FARP2: variants seen among roughly 807,000 people sequenced by gnomAD.
The protein encoded by FARP2 is FERM, ARH/RhoGEF and pleckstrin domain protein 2, also known as FERM, ARHGEF and pleckstrin domain-containing protein 2.
A neutral mutation model predicts 130.5 loss-of-function variants in FARP2; 111 were observed. That is an observed-to-expected ratio of 0.85 (90% CI 0.73 to 1.00). FARP2 has a LOEUF of 1.00. Among genes scored for constraint, FARP2 ranks in the 50% least tolerant of loss-of-function variants. FARP2 has a pLI of 0.00. For missense variants in FARP2, 1,385 were observed against 1,346.3 expected, an observed-to-expected ratio of 1.03 and a Z score of -0.45; for synonymous variants, 504 against 516.9, an observed-to-expected ratio of 0.98 and a Z score of 0.34.
rs772681715 is a variant in FARP2, at chr2:241,411,145, G to A, written c.508+15G>A. The A allele has an allele frequency of 3.2e-5, 50 of 1,572,752 alleles. No homozygotes were observed. Among genetic ancestry groups the A allele is most frequent in the East Asian group, 2.2e-4 (10 of 44,522 alleles). ...TCTCCTGCAGTGTGAGTATCTCCCCGCCAGCGGGGAGCATTCACTGACCAT... is the reference window on the plus strand; with the variant it reads ...TCTCCTGCAGTGTGAGTATCTCCCCACCAGCGGGGAGCATTCACTGACCAT... On this transcript the variant is annotated intron_variant, in intron 6 of 26. Coordinates refer to ENST00000264042, the MANE Select transcript of FARP2 (RefSeq NM_014808.4).
intron 12 of FARP2, 131 bp downstream of exon 12, chr2:241,436,669 A>T: frequency 1.3e-6 from 1 of 799,514 alleles, no homozygotes; most frequent in East Asian, 2.7e-5. Context: ...TAATCCTGGG[A>T]CTCTGTTTTC....
intron 13 of FARP2, chr2:241,446,139 T>C (rs2063509283): frequency 6.6e-6 from 1 of 152,376 alleles, no homozygotes; most frequent in East Asian, 1.9e-4. Context: ...AGCACAGTTA[T>C]ATGTTAATAC....
At chr2:241,383,982 G>A (rs1559718641) in intron 2 of FARP2, among the ~76,000 whole-genome samples, 1 of 152,018 alleles carries the variant, frequency 6.6e-6, no homozygotes, top group Non-Finnish European at 1.5e-5. Context: ...GGCGGCCATT[G>A]CTGTGACCTT....
intron 13 of FARP2, among the ~76,000 whole-genome samples, chr2:241,450,581 G>C (rs1365458500): frequency 6.6e-6 from 1 of 152,008 alleles, no homozygotes; most frequent in East Asian, 1.9e-4. Context: ...CAGGAGAATT[G>C]CTTGAACCCA....
chr2:241,441,529 G>C lies in FARP2; in HGVS notation c.1384G>C (p.Gly462Arg). ...CGACACACCATCGGCCCAGCCCCTC[G>C]GGCCCCCCGCACTCCAGCCTGGTCC... ...GPDTPSAQPLGPPALQPGPGL... is the reference protein window; with the variant it reads ...GPDTPSAQPLRPPALQPGPGL... Residue 462 changes from glycine (G) to arginine (R), a missense_variant, in exon 13 of 27, where the codon GGG (glycine) becomes CGG (arginine). Transcript: ENST00000264042. The C allele has an allele frequency of 1.2e-6, 2 of 1,614,030 alleles. No homozygotes were observed. The highest frequency in any genetic ancestry group is 1.7e-6 in the Non-Finnish European group (2 of 1,180,016).
intron 12 of FARP2, among the ~76,000 whole-genome samples, chr2:241,437,186 G>A (rs1421951963): frequency 1.3e-5 from 2 of 152,222 alleles, no homozygotes; most frequent in Non-Finnish European, 2.9e-5. Context: ...AATTCTTGCT[G>A]TTATGTTACA....
intron 19 of FARP2, among the ~76,000 whole-genome samples, 166 bp downstream of exon 19, chr2:241,476,153 G>A (rs561441348): frequency 2.0e-5 from 3 of 148,552 alleles, no homozygotes; most frequent in East Asian, 4.0e-4. Flanking sequence ...TGGGAGGATC[G>A]CTTGAGCCCA....
At chr2:241,489,238 C>G (rs2064835309) in intron 21 of FARP2, 1 of 152,258 alleles carries the variant, frequency 6.6e-6, no homozygotes, top group Non-Finnish European at 1.5e-5. Context: ...GGACAGAGAA[C>G]TGGCCCTCGT....
At chr2:241,468,033 C>T (rs1184364044) in intron 17 of FARP2, 107 bp from the exon 18 acceptor site, 10 of 804,808 alleles carry the variant, frequency 1.2e-5, no homozygotes, top group Non-Finnish European at 2.0e-5. Context: ...GGTCCATTTG[C>T]CCTGTGGGGA....
In FARP2 at chr2:241,407,623, G is replaced by A; in HGVS notation, c.410+8G>A. The A allele has an allele frequency of 6.2e-7, 1 of 1,605,188 alleles. No individual in the cohort carries two copies. On this transcript the variant is annotated splice_region_variant and intron_variant, in intron 5 of 26. Transcript: ENST00000264042. ...ACAAGAAGAATATACAAGGTAAAGAGCTCACAGAGCTGAAGCTGTTGTCAG... is the reference window on the plus strand; with the variant it reads ...ACAAGAAGAATATACAAGGTAAAGAACTCACAGAGCTGAAGCTGTTGTCAG...
rs1194404081 is a variant in FARP2 at position 241,466,697 on chromosome 2, C to A, written c.1894-1443C>A. On this transcript the variant is annotated intron_variant, in intron 17 of 26. Coordinates refer to ENST00000264042, the MANE Select transcript of FARP2 (RefSeq NM_014808.4). ...TCACTCCCCTTCCAACCACCCCCCC[C>A]CCCACCACCACCACCCGTACCCTCC... is the stretch of plus-strand genomic sequence containing the variant. 3.7e-5 allele frequency: 25 copies of A among 676,634 alleles called. 1 individual carries two copies. Among genetic ancestry groups the A allele is most frequent in the South Asian group, 2.7e-4 (4 of 14,702 alleles). The allele number at this position is 676,634 out of a possible 1,614,324, so 41.9% of individuals were successfully genotyped here. A position where few individuals can be genotyped will look rare whatever the true frequency, so the allele number is the denominator to read the frequency against.
At position 241,492,997 on chromosome 2, in the gene FARP2, CTT is replaced by C; in HGVS notation, c.2858_2859del (p.Phe953TyrfsTer14). On this transcript the variant is annotated frameshift_variant, in exon 25 of 27. Transcript: ENST00000264042. LOFTEE classifies it high-confidence loss of function. ...ATGGCTGGCAGAAGCTCTGGGTCGT[CTT>C]TACCAACTTCTGTTTGTTCTTCTAC... Reference protein sequence around the residue: ...SHGWQKLWVVFTNFCLFFYKT... With the variant: ...SHGWQKLWVVXTNFCLFFYKT... The C allele has an allele frequency of 6.2e-7, 1 of 1,611,080 alleles. No homozygotes were observed. Among genetic ancestry groups the C allele is most frequent in the Middle Eastern group, 1.7e-4 (1 of 6,056 alleles).
At chr2:241,490,561 A>G (rs1023877133) in intron 22 of FARP2, among the ~76,000 whole-genome samples, 22 of 152,180 alleles carry the variant, frequency 1.4e-4, no homozygotes, top group African/African-American at 5.3e-4. Context: ...TAAGATCAAC[A>G]GAAGGATGAC....
intron 2 of FARP2, among the ~76,000 whole-genome samples, chr2:241,396,759 T>C (rs2062040260): frequency 6.6e-6 from 1 of 152,156 alleles, no homozygotes; most frequent in African/African-American, 2.4e-5. Flanking sequence ...GTTCAACCAT[T>C]GTGGAAGTCA....
At chr2:241,464,192 A>G (rs1440126105) in intron 17 of FARP2, among the ~76,000 whole-genome samples, 3 of 151,078 alleles carry the variant, frequency 2.0e-5, no homozygotes, top group Admixed American at 2.0e-4. Flanking sequence ...TCCTCAGAGC[A>G]GGGTCCCCTC....
chr2:241,461,006 T>C (rs1029460236), intron 14 of FARP2, among the ~76,000 whole-genome samples: 1 of 152,188 alleles, frequency 6.6e-6, no homozygotes, highest in African/African-American at 2.4e-5. Flanking sequence ...GCCTCTGTTG[T>C]CCTCTCATCC....
chr2:241,357,970 G>T (rs1409372589), intron 1 of FARP2, among the ~76,000 whole-genome samples: 2 of 152,302 alleles, frequency 1.3e-5, no homozygotes, highest in South Asian at 4.1e-4. Flanking sequence ...CAGGCAGATT[G>T]CATGAGCTCA....
At chr2:241,409,562 A>G (rs2062460763) in intron 5 of FARP2, among the ~76,000 whole-genome samples, 1 of 152,172 alleles carries the variant, frequency 6.6e-6, no homozygotes, top group South Asian at 2.1e-4. Flanking sequence ...AAAAATAAGT[A>G]AACAAAGATA....
At chr2:241,446,273 T>C (rs1205514743) in intron 13 of FARP2, 1 of 152,202 alleles carries the variant, frequency 6.6e-6, no homozygotes, top group Non-Finnish European at 1.5e-5. Context: ...ATTAGGATTC[T>C]CTGCTCCACT....
Sources: allele counts gnomAD v4.1 joint callset (sites outside exome capture counted in the v4.1 genomes callset), GRCh38; gene constraint gnomAD v4.1.1; transcripts MANE v1.5; gene names NCBI Gene and HGNC (gene_info 2026-07-23, HGNC 2026-07-21).